The following RNF13 variants were observed in gnomAD, a reference collection of about 807,000 sequenced individuals.
RNF13 encodes the protein ring finger protein 13.
In RNF13, 19 loss-of-function variants were observed where a neutral mutation model predicts 37.7. That is an observed-to-expected ratio of 0.50 (90% CI 0.35 to 0.74). The LOEUF (loss-of-function observed/expected upper bound fraction) is 0.74. Ranked by LOEUF, RNF13 falls within the 30% of genes least tolerant of loss-of-function variation. The probability of loss-of-function intolerance (pLI) is 0.01; values close to 1 mark genes in which losing one functional copy is unlikely to be tolerated. For synonymous variants in RNF13, 144 were observed against 157.8 expected (o/e 0.91, Z 0.65); for missense variants, 375 against 453.0 (o/e 0.83, Z 1.56).
In RNF13 at chr3:149,906,645, C is replaced by CTTTTTTTTTT. The variant is rs35801459; in HGVS notation, c.500+4498_500+4507dup. Among the ~76,000 whole-genome samples the CTTTTTTTTTT allele has an allele frequency of 1.3e-4, 10 of 79,150 alleles. 1 individual carries two copies. The highest frequency in any genetic ancestry group is 2.0e-4 in the Non-Finnish European group (9 of 44,768). The allele number at this position is 79,150 out of a possible 152,430, so 51.9% of individuals were successfully genotyped here. ...ATGTCCTTTCATTTGTTCAATTCTG[C>CTTTTTTTTTT]TTTTTTTTTTTTTTTTTTTTTTTTA... is the stretch of plus-strand genomic sequence containing the variant. On this transcript the variant is annotated intron_variant, in intron 6 of 9. Transcript: ENST00000392894.
At chr3:149,887,260 C>G (rs1714152269) in intron 4 of RNF13, among the ~76,000 whole-genome samples, 1 of 152,106 alleles carries the variant, frequency 6.6e-6, no homozygotes, top group African/African-American at 2.4e-5. Context: ...CTGCAATGCC[C>G]CAATTTCAAT....
intron 1 of RNF13, among the ~76,000 whole-genome samples, chr3:149,817,700 A>G (rs1719607176): frequency 6.6e-6 from 1 of 152,150 alleles, no homozygotes. Context: ...CATTTTTCCC[A>G]TTCTGTAAAA....
At chr3:149,924,261 A>G (rs1718429065) in intron 8 of RNF13, among the ~76,000 whole-genome samples, 3 of 152,188 alleles carry the variant, frequency 2.0e-5, no homozygotes, top group South Asian at 4.1e-4. Flanking sequence ...GAAGATTGGT[A>G]TTGAACATAT....
intron 1 of RNF13, chr3:149,822,545 G>T (rs746896593): frequency 2.5e-4 from 38 of 152,054 alleles, no homozygotes; most frequent in Non-Finnish European, 4.6e-4. Flanking sequence ...ATAAGAAAGT[G>T]GAAAGTGGAA....
chr3:149,844,232 A>G (rs1413921746), intron 1 of RNF13, among the ~76,000 whole-genome samples: 1 of 152,224 alleles, frequency 6.6e-6, no homozygotes, highest in African/African-American at 2.4e-5. Flanking sequence ...ACATGGTTGT[A>G]CTTATGGCTG....
intron 4 of RNF13, among the ~76,000 whole-genome samples, chr3:149,882,130 A>G (rs1211505614): frequency 6.6e-6 from 1 of 152,128 alleles, no homozygotes; most frequent in Admixed American, 6.5e-5. Flanking sequence ...TTAAGGAGAA[A>G]AACTATAGTC....
intron 8 of RNF13, among the ~76,000 whole-genome samples, chr3:149,933,443 A>G (rs1719364005): frequency 6.6e-6 from 1 of 152,128 alleles, no homozygotes; most frequent in Non-Finnish European, 1.5e-5. Context: ...CAGAGTAGCT[A>G]TTGTAAATGA....
chr3:149,938,764 T>G (rs6790518), intron 8 of RNF13, among the ~76,000 whole-genome samples: 10,144 of 152,122 alleles, frequency 0.067, 1,114 homozygotes, highest in African/African-American at 0.23. Context: ...CTATGTCCTA[T>G]CATAACATTC....
chr3:149,845,541 C>T (rs1457552693), intron 1 of RNF13, among the ~76,000 whole-genome samples: 1 of 152,038 alleles, frequency 6.6e-6, no homozygotes, highest in African/African-American at 2.4e-5. Flanking sequence ...TTGGCATTCT[C>T]TGATGTTGGT....
chr3:149,831,502 T>C (rs987222322), intron 1 of RNF13, among the ~76,000 whole-genome samples: 2 of 152,194 alleles, frequency 1.3e-5, no homozygotes, highest in Admixed American at 6.5e-5. Flanking sequence ...CCCTTGTTTC[T>C]GCCAGTTTCT....
chr3:149,822,221 A>T (rs1720050077), intron 1 of RNF13, among the ~76,000 whole-genome samples: 1 of 152,146 alleles, frequency 6.6e-6, no homozygotes, highest in Non-Finnish European at 1.5e-5. Flanking sequence ...TTGAATCTGT[A>T]GATTGCTTTG....
chr3:149,854,104 G>A (rs915266935), intron 3 of RNF13, among the ~76,000 whole-genome samples: 1 of 151,824 alleles, frequency 6.6e-6, no homozygotes. Context: ...CCAAAGTACT[G>A]GTATTTCAGG....
At chr3:149,835,633 T>TTGTGTG (rs3039646) in intron 1 of RNF13, among the ~76,000 whole-genome samples, 6,047 of 138,692 alleles carry the variant, frequency 0.044, 194 homozygotes, top group African/African-American at 0.11. Context: ...TAGTATTCCA[T>TTGTGTG]TGTGTGTGTG....
chr3:149,937,683 G>A lies in RNF13; in HGVS notation c.700+16456G>A, dbSNP rs138212743. 1.6e-3 allele frequency among the ~76,000 whole-genome samples: 239 copies of A among 152,110 alleles called. 1 individual carries two copies. The highest frequency in any genetic ancestry group is 5.4e-3 in the African/African-American group (224 of 41,480). ...TTGAGATTTCTTCTTTGACCTGCTT[G>A]TTACTCAGAAGTGTGTTTTTTAATC... is the stretch of plus-strand genomic sequence containing the variant. On this transcript the variant is annotated intron_variant, in intron 8 of 9. Transcript: ENST00000392894.
intron 3 of RNF13, among the ~76,000 whole-genome samples, chr3:149,858,867 A>G (rs1213588416): frequency 1.3e-5 from 2 of 152,242 alleles, no homozygotes; most frequent in Admixed American, 6.5e-5. Flanking sequence ...TTAATTTACC[A>G]GTTAATTTCA....
intron 8 of RNF13, among the ~76,000 whole-genome samples, chr3:149,931,881 T>A (rs1719195429): frequency 6.6e-6 from 1 of 152,174 alleles, no homozygotes; most frequent in Non-Finnish European, 1.5e-5. Context: ...ACCAGTTTGC[T>A]CTCTACCTCC....
At chr3:149,828,334 T>C (rs1202853401) in intron 1 of RNF13, among the ~76,000 whole-genome samples, 1 of 152,218 alleles carries the variant, frequency 6.6e-6, no homozygotes, top group Non-Finnish European at 1.5e-5. Flanking sequence ...TAGCACAAAA[T>C]TAAGTTTTCT....
At chr3:149,822,514 C>T (rs957801113) in intron 1 of RNF13, 6 of 152,014 alleles carry the variant, frequency 3.9e-5, no homozygotes, top group African/African-American at 1.4e-4. Flanking sequence ...TTTCCATGTG[C>T]AAGCTGAATC....
At chr3:149,954,815 C>T (rs1334106528) in intron 8 of RNF13, among the ~76,000 whole-genome samples, 1 of 152,162 alleles carries the variant, frequency 6.6e-6, no homozygotes, top group Non-Finnish European at 1.5e-5. Flanking sequence ...AAGCAGCCAG[C>T]ATCCTTACAC....
Sources: allele counts gnomAD v4.1 joint callset (sites outside exome capture counted in the v4.1 genomes callset), GRCh38; gene constraint gnomAD v4.1.1; transcripts MANE v1.5; gene names NCBI Gene and HGNC (gene_info 2026-07-23, HGNC 2026-07-21).